Variants in FBRSL1 observed in about 807,000 individuals in gnomAD.
FBRSL1 encodes fibrosin-1-like protein.
Under a neutral mutation model 89.6 loss-of-function variants are expected in FBRSL1, and 51 were observed. The observed-to-expected ratio is 0.57, with a 90% CI of 0.45 to 0.72. FBRSL1 has a LOEUF of 0.72. Ranked by LOEUF, FBRSL1 falls within the 30% of genes least tolerant of loss-of-function variation. The probability of loss-of-function intolerance (pLI) is 0.00; values close to 1 mark genes in which losing one functional copy is unlikely to be tolerated. For missense variants in FBRSL1, 1,618 were observed against 1,451.8 expected (o/e 1.11, Z -1.86); for synonymous variants, 779 against 681.1 (o/e 1.14, Z -2.24).
At chr12:132,582,827 T>G (rs2040872459) in intron 18 of FBRSL1, 144 bp from the exon 19 acceptor site, 2 of 595,090 alleles carry the variant, frequency 3.4e-6, no homozygotes, top group South Asian at 7.1e-5. Flanking sequence ...TGGGAGCCTG[T>G]GGGGGTGCGG....
chr12:132,582,332 C>T, intron 18 of FBRSL1, 66 bp downstream of exon 18: 1 of 1,379,184 alleles, frequency 7.3e-7, no homozygotes, highest in Admixed American at 2.1e-5. Flanking sequence ...CCCCTCCCGT[C>T]ATCCCCGGTT....
rs137885200 is a variant in FBRSL1, at chr12:132,533,836, A to G, written c.615+5848A>G. Among the ~76,000 whole-genome samples the G allele has an allele frequency of 5.1e-3, 784 of 152,310 alleles. 5 individuals are homozygous for G. Among genetic ancestry groups the G allele is most frequent in the African/African-American group, 0.018 (747 of 41,562 alleles). On this transcript the variant is annotated intron_variant, in intron 4 of 18. Coordinates refer to ENST00000680143, the MANE Select transcript of FBRSL1 (RefSeq NM_001367871.1). Reference sequence around the variant, plus strand: ...TGCCATTCCAGAGGGGAGAGGAGCCAGTCAGTAAAGAGAGCAGCAGCTGCC... The same window carrying G: ...TGCCATTCCAGAGGGGAGAGGAGCCGGTCAGTAAAGAGAGCAGCAGCTGCC...
intron 5 of FBRSL1, chr12:132,551,393 G>A (rs1461419722): frequency 2.4e-5 from 11 of 455,954 alleles, no homozygotes; most frequent in African/African-American, 6.0e-5. Context: ...GTCTGTGGGC[G>A]CTGACCCAGC....
At chr12:132,562,177 C>T (rs1010346419) in intron 5 of FBRSL1, among the ~76,000 whole-genome samples, 3 of 152,136 alleles carry the variant, frequency 2.0e-5, no homozygotes, top group African/African-American at 7.2e-5. Context: ...TGGAGGCGGA[C>T]CCCATGGGAG....
At chr12:132,536,419 G>C (rs765995121) in intron 4 of FBRSL1, among the ~76,000 whole-genome samples, 10 of 151,810 alleles carry the variant, frequency 6.6e-5, no homozygotes, top group Non-Finnish European at 1.3e-4. Context: ...GTACATGATG[G>C]TGTGTGTGCC....
At chr12:132,519,899 CAAAA>C (rs760671307) in intron 2 of FBRSL1, among the ~76,000 whole-genome samples, 2 of 114,644 alleles carry the variant, frequency 1.7e-5, no homozygotes, top group Non-Finnish European at 1.8e-5. Context: ...GACTCTGTCT[CAAAA>C]AAAAAAAAAA....
At chr12:132,492,320 C>T (rs1050752261) in intron 1 of FBRSL1, among the ~76,000 whole-genome samples, 6 of 152,220 alleles carry the variant, frequency 3.9e-5, no homozygotes, top group Non-Finnish European at 7.3e-5. Context: ...TCAGACTCCT[C>T]TGAAGTGGTG....
chr12:132,505,051 G>C (rs538227640), intron 1 of FBRSL1, among the ~76,000 whole-genome samples: 63 of 152,250 alleles, frequency 4.1e-4, no homozygotes, highest in South Asian at 1.0e-3. Flanking sequence ...GCTTAAACCC[G>C]GGATGCAGAA....
chr12:132,570,937 T>C (rs1246502628), intron 8 of FBRSL1, 131 bp from the exon 9 acceptor site: 8 of 560,868 alleles, frequency 1.4e-5, no homozygotes, highest in Non-Finnish European at 1.8e-5. Flanking sequence ...AGGCGCTTCC[T>C]GAGGCTCCGA....
At position 132,512,905 on chromosome 12, in the gene FBRSL1, C is replaced by T. The variant is rs537892195; in HGVS notation, c.489+4555C>T. On this transcript the variant is annotated intron_variant, in intron 2 of 18. Coordinates refer to ENST00000680143, the MANE Select transcript of FBRSL1 (RefSeq NM_001367871.1). The stretch of plus-strand genomic sequence containing the variant: ...GGGGCTCTCGAGGCCTGGCCATGAC[C>T]CTGCAGCCTCCAGCTCGAACCCACT... 6.3e-4 allele frequency among the ~76,000 whole-genome samples: 96 copies of T among 152,310 alleles called. 1 individual carries two copies. The South Asian group carries it at 0.017, about 27-fold the overall frequency.
intron 5 of FBRSL1, among the ~76,000 whole-genome samples, chr12:132,564,920 CCGG>C (rs200981111): frequency 0.021 from 3,047 of 144,854 alleles, 85 homozygotes; most frequent in East Asian, 0.11. Flanking sequence ...TGAGCCGCGG[CCGG>C]CCGCCCTCCT....
At chr12:132,566,761 C>T (rs1034691432) in intron 5 of FBRSL1, among the ~76,000 whole-genome samples, 8 of 152,074 alleles carry the variant, frequency 5.3e-5, no homozygotes, top group Non-Finnish European at 8.8e-5. Context: ...GGAGCTTGGC[C>T]GGCCGCAGGC....
At position 132,583,096 on chromosome 12, in the gene FBRSL1, G is replaced by A; in HGVS notation, c.2327G>A (p.Arg776His). ...GGCCGGTCCGGGGCCCCCGCGGAGC[G>A]CGAGGCCGAACCTCGGGTCAAGGAG... ...ELGRSGAPAE[R>H]EAEPRVKESR... The change falls in exon 19 of 19, where the codon CGC becomes CAC. Residue 776 changes from arginine (R) to histidine (H), a missense_variant. Arg to His is a conservative substitution (Grantham distance 29). Coordinates refer to ENST00000680143, the MANE Select transcript of FBRSL1 (RefSeq NM_001367871.1). 1 of 1,453,154 alleles carries A rather than the reference G, an allele frequency of 6.9e-7. No individual in the cohort carries two copies. The highest frequency in any genetic ancestry group is 9.0e-7 in the Non-Finnish European group (1 of 1,106,428). The allele number at this position is 1,453,154 out of a possible 1,614,324, so 90.0% of individuals were successfully genotyped here.
chr12:132,574,622 C>G, intron 14 of FBRSL1, 58 bp downstream of exon 14: 1 of 1,524,194 alleles, frequency 6.6e-7, no homozygotes, highest in Non-Finnish European at 8.8e-7. Flanking sequence ...CCTGGTCGGG[C>G]CCTGAAGGCC....
chr12:132,581,705 C>T, intron 16 of FBRSL1, 36 bp from the exon 17 acceptor site: 3 of 1,547,204 alleles, frequency 1.9e-6, no homozygotes, highest in Non-Finnish European at 1.7e-6. Flanking sequence ...CAGCCCACGC[C>T]TCACAGACCT....
At chr12:132,495,889 A>G (rs891617496) in intron 1 of FBRSL1, among the ~76,000 whole-genome samples, 1 of 152,202 alleles carries the variant, frequency 6.6e-6, no homozygotes, top group Admixed American at 6.5e-5. Context: ...GGCTCTGGGA[A>G]GGGTTCCACG....
chr12:132,513,752 A>AATCC (rs2034579331), intron 2 of FBRSL1, among the ~76,000 whole-genome samples: 1 of 152,144 alleles, frequency 6.6e-6, no homozygotes, highest in Non-Finnish European at 1.5e-5. Context: ...GGATTCCTGG[A>AATCC]AGATGGGTGA....
rs1033547370 is a variant in FBRSL1, at chr12:132,571,192, C to T, written c.1338C>T (p.Ser446=). ...LPAPLGPHVA[S]GHPGLACRPR... Reference sequence around the variant, plus strand: ...CACCCCTGGGCCCGCACGTGGCGAGCGGCCACCCCGGCTTGGCCTGCCGAC... The same window carrying T: ...CACCCCTGGGCCCGCACGTGGCGAGTGGCCACCCCGGCTTGGCCTGCCGAC... Residue 446 remains serine (S), a synonymous_variant, in exon 9 of 19, where the codon AGC becomes AGT. Coordinates refer to ENST00000680143, the MANE Select transcript of FBRSL1 (RefSeq NM_001367871.1). The T allele has an allele frequency of 7.7e-6, 11 of 1,431,156 alleles. No homozygotes were observed. The East Asian group carries it at 2.3e-4, about 30-fold the overall frequency. The allele number at this position is 1,431,156 out of a possible 1,614,324, so 88.7% of individuals were successfully genotyped here.
intron 5 of FBRSL1, 67 bp from the exon 6 acceptor site, chr12:132,567,414 T>C (rs938213443): frequency 1.6e-5 from 24 of 1,497,202 alleles, no homozygotes; most frequent in South Asian, 4.8e-5. Flanking sequence ...TGTGTGGGCA[T>C]TGGGCGCAAG....
Sources: gnomAD v4.1 joint callset for allele counts (sites outside exome capture counted in the v4.1 genomes callset) on GRCh38, gnomAD v4.1.1 for gene constraint, MANE v1.5 for transcripts, NCBI Gene and HGNC (gene_info 2026-07-23, HGNC 2026-07-21) for gene names.